Variants in SORBS3 observed in about 807,000 individuals in gnomAD.
The protein encoded by SORBS3 is vinexin.
SORBS3 carries 69 observed loss-of-function variants against 98.0 expected under a neutral mutation model. The observed-to-expected ratio is 0.70, with a 90% CI of 0.58 to 0.86. The LOEUF is 0.86. SORBS3 is among the 40% of genes least tolerant of loss of function. The probability of loss-of-function intolerance (pLI) is 0.00; values close to 1 mark genes in which losing one functional copy is unlikely to be tolerated. For synonymous variants in SORBS3, 394 were observed against 355.4 expected, an observed-to-expected ratio of 1.11 and a Z score of -1.22; for missense variants, 954 against 908.5, an observed-to-expected ratio of 1.05 and a Z score of -0.64.
At chr8:22,567,198 A>AT in intron 16 of SORBS3, 23 bp downstream of exon 16, 1 of 995,110 alleles carries the variant, frequency 1.0e-6, no homozygotes, top group Non-Finnish European at 1.5e-6. Flanking sequence ...GACAAGAGCA[A>AT]GTGGGGCTGG....
In SORBS3 at chr8:22,575,507, C is replaced by G. The variant is rs1052265105; in HGVS notation, c.*779C>G. 6.5e-6 allele frequency: 1 copy of G among 153,674 alleles called. No individual in the cohort carries two copies. Among genetic ancestry groups the G allele is most frequent in the African/African-American group, 2.4e-5 (1 of 41,470 alleles). The allele number at this position is 153,674 out of a possible 1,614,324, so 9.5% of individuals were successfully genotyped here. A position where few individuals can be genotyped will look rare whatever the true frequency, so the allele number is the denominator to read the frequency against. ...CTGGACACAAGGGACCTTGTCTCTG[C>G]GGCCTTTTCCTTGGGGTAGGGGATG... On this transcript the variant is annotated 3_prime_UTR_variant, in exon 21 of 21. Transcript: ENST00000240123.
chr8:22,552,805 C>T (rs1403024619), intron 1 of SORBS3, among the ~76,000 whole-genome samples: 1 of 152,182 alleles, frequency 6.6e-6, no homozygotes, highest in East Asian at 1.9e-4. Flanking sequence ...TCCACCCCAC[C>T]CTGCCTCAAC....
chr8:22,566,800 C>T (rs1357746625), intron 14 of SORBS3, 22 bp from the exon 15 acceptor site: 13 of 1,613,904 alleles, frequency 8.1e-6, no homozygotes, highest in Non-Finnish European at 1.1e-5. Flanking sequence ...AGAGAGCCCA[C>T]TCTGTCCTCT....
At chr8:22,565,396 C>A in intron 11 of SORBS3, 42 bp downstream of exon 11, 1 of 1,486,994 alleles carries the variant, frequency 6.7e-7, no homozygotes, top group Non-Finnish European at 9.1e-7. Flanking sequence ...CGCCGGCGAC[C>A]GCAGGGTCGG....
At chr8:22,561,810 G>C (rs1044878713) in intron 6 of SORBS3, 55 bp from the exon 7 acceptor site, 1 of 1,504,980 alleles carries the variant, frequency 6.6e-7, no homozygotes, top group Non-Finnish European at 9.3e-7. Flanking sequence ...CTCAGCCCCA[G>C]TCACGGCCTG....
Position 22,556,788 on chromosome 8 carries a change from G to C in SORBS3, c.294G>C (p.Gln98His). 2 of 1,613,796 alleles carry C rather than the reference G, an allele frequency of 1.2e-6. No homozygotes were observed. Among genetic ancestry groups the C allele is most frequent in the South Asian group, 2.2e-5 (2 of 91,088 alleles). Residue 98 changes from glutamine to histidine, a missense_variant, in exon 4 of 21, where the codon CAG becomes CAC. Gln to His is a conservative substitution (Grantham distance 24). Transcript: ENST00000240123. ...CAAGCACAAAGATCCCTGCCTCCCA[G>C]CACACCCAGAACTGGTCAGCCACGT... ...PSASTKIPAS[Q>H]HTQNWSATWT...
rs939139580 is a variant in SORBS3, at chr8:22,554,755, T to C, written c.103-108T>C. On this transcript the variant is annotated intron_variant, in intron 2 of 20. Coordinates refer to ENST00000240123, the MANE Select transcript of SORBS3 (RefSeq NM_005775.5). This position sits in a 1 kb window ranked among gnomAD's most constrained non-coding sequence, Gnocchi z 6.5. The stretch of plus-strand genomic sequence containing the variant: ...GCCTCGCTGGTTTCCCACAAAATCG[T>C]CAGGCGGGCCTGGGACTGTCACCGA... The C allele has an allele frequency of 7.3e-7, 1 of 1,377,518 alleles. No homozygotes were observed. The highest frequency in any genetic ancestry group is 1.4e-5 in the African/African-American group (1 of 70,032). 85.3% of individuals were successfully genotyped at this position (1,377,518 alleles called of 1,614,324 possible).
intron 20 of SORBS3, among the ~76,000 whole-genome samples, chr8:22,573,175 A>G (rs1378605468): frequency 1.3e-5 from 2 of 152,074 alleles, no homozygotes; most frequent in East Asian, 3.9e-4. Flanking sequence ...GCTGCCAGCC[A>G]GCTGTACTGA....
intron 5 of SORBS3, among the ~76,000 whole-genome samples, chr8:22,559,206 C>G (rs1840245230): frequency 6.6e-6 from 1 of 152,168 alleles, no homozygotes. Flanking sequence ...TTGCTTCAAT[C>G]CAGGGGAGAG....
At chr8:22,565,573 C>T (rs1840391203) in intron 11 of SORBS3, 1 of 635,422 alleles carries the variant, frequency 1.6e-6, no homozygotes, top group Non-Finnish European at 2.2e-6. Context: ...AGGAGCCTTT[C>T]TAAGCGGACT....
Position 22,554,874 on chromosome 8 carries a change from C to T in SORBS3, c.114C>T (p.Ile38=). ...SSSRGTRVPV[I]RNGGSNTLNF... ...GCCCCTCCCCGCAGGTGCCCGTGATCCGGAATGGTGGCTCCAACACCCTTA... is the reference window on the plus strand; with the variant it reads ...GCCCCTCCCCGCAGGTGCCCGTGATTCGGAATGGTGGCTCCAACACCCTTA... The change falls in exon 3 of 21, where the codon ATC becomes ATT. Residue 38 remains isoleucine, a synonymous_variant. Transcript: ENST00000240123. This position sits in a 1 kb window ranked among gnomAD's most constrained non-coding sequence, Gnocchi z 6.5. 6.2e-7 allele frequency: 1 copy of T among 1,603,082 alleles called. No homozygotes were observed. Among genetic ancestry groups the T allele is most frequent in the Non-Finnish European group, 8.5e-7 (1 of 1,173,510 alleles).
At chr8:22,546,512 C>T (rs1352944673) in intron 1 of SORBS3, among the ~76,000 whole-genome samples, 1 of 152,222 alleles carries the variant, frequency 6.6e-6, no homozygotes, top group Non-Finnish European at 1.5e-5. Context: ...GTTTCTGTTT[C>T]TCCCAACTCA....
At position 22,575,285 on chromosome 8, in the gene SORBS3, A is replaced by AGCCCCAAG. The variant is rs960604750; in HGVS notation, c.*559_*560insCCCAAGGC. On this transcript the variant is annotated 3_prime_UTR_variant, in exon 21 of 21. Coordinates refer to ENST00000240123, the MANE Select transcript of SORBS3 (RefSeq NM_005775.5). ...TTCTTAGCGATCTAGGCCTGGCAAG[A>AGCCCCAAG]GCTCTGGCCCCAAGGCCTCCTCTTC... 3.9e-6 allele frequency: 1 copy of AGCCCCAAG among 258,066 alleles called. No homozygotes were observed. Among genetic ancestry groups the AGCCCCAAG allele is most frequent in the African/African-American group, 2.3e-5 (1 of 43,392 alleles). The allele number at this position is 258,066 out of a possible 1,614,324, so 16.0% of individuals were successfully genotyped here.
Position 22,569,228 on chromosome 8 carries a change from G to T in SORBS3, c.1386G>T (p.Gln462His), listed in dbSNP as rs369947027. ...QVLEYGEAVA[Q>H]YTFKGDLEVE... is the part of the protein sequence containing the mutation. ...TGGAGTATGGAGAGGCTGTGGCCCA[G>T]TACACCTTCAAGGGGGACCTGGAGG... Residue 462 changes from glutamine (Q) to histidine (H), a missense_variant, in exon 17 of 21, where the codon CAG (glutamine) becomes CAT (histidine). By Grantham distance (24) the Gln-to-His change is conservative (BLOSUM62 0). Transcript: ENST00000240123. 1.2e-6 allele frequency: 2 copies of T among 1,610,032 alleles called. No individual in the cohort carries two copies. The highest frequency in any genetic ancestry group is 2.7e-5 in the African/African-American group (2 of 74,684).
chr8:22,571,033 C>T lies in SORBS3; in HGVS notation c.1555C>T (p.Arg519Trp), dbSNP rs772159776. The change falls in exon 18 of 21, where the codon CGG becomes TGG. Residue 519 changes from arginine to tryptophan, a missense_variant. Transcript: ENST00000240123. ...GCAGGTGTCTCGTGAACCCCGGCTCCGGCTCTGTGACGACGGCCCCCAGCT... is the reference window on the plus strand; with the variant it reads ...GCAGGTGTCTCGTGAACCCCGGCTCTGGCTCTGTGACGACGGCCCCCAGCT... ...YVQVSREPRL[R>W]LCDDGPQLPT... is the part of the protein sequence containing the mutation. The T allele has an allele frequency of 1.4e-5, 23 of 1,613,446 alleles. No individual in the cohort carries two copies. The highest frequency in any genetic ancestry group is 1.6e-4 in the Middle Eastern group (1 of 6,080).
intron 5 of SORBS3, among the ~76,000 whole-genome samples, chr8:22,559,689 C>T (rs1200886074): frequency 7.0e-6 from 1 of 142,026 alleles, no homozygotes; most frequent in Non-Finnish European, 1.5e-5. Context: ...GGCAATAGAG[C>T]AAGACGCTGT....
intron 1 of SORBS3, among the ~76,000 whole-genome samples, chr8:22,545,974 C>A (rs1298300890): frequency 6.6e-6 from 1 of 152,110 alleles, no homozygotes; most frequent in Admixed American, 6.5e-5. Flanking sequence ...AAGAAGGGGC[C>A]CCAGTATTCC....
chr8:22,550,939 C>T (rs1840069844), upstream of SORBS3, among the ~76,000 whole-genome samples: 1 of 152,188 alleles, frequency 6.6e-6, no homozygotes, highest in African/African-American at 2.4e-5. Context: ...TAAGCATTCC[C>T]ACTTTCTGAA....
chr8:22,553,075 C>A (rs899971785), intron 1 of SORBS3, among the ~76,000 whole-genome samples: 2 of 152,102 alleles, frequency 1.3e-5, no homozygotes, highest in African/African-American at 4.8e-5. Flanking sequence ...GGAGCTGGGT[C>A]CAGGGGCTGA....
Sources: gnomAD v4.1 joint callset for allele counts (sites outside exome capture counted in the v4.1 genomes callset) on GRCh38, gnomAD v4.1.1 for gene constraint, Gnocchi (gnomAD v3.1) non-coding constraint, MANE v1.5 for transcripts, NCBI Gene and HGNC (gene_info 2026-07-23, HGNC 2026-07-21) for gene names.